The following SMG1 variants were observed in gnomAD, a reference collection of about 807,000 sequenced individuals.
The protein encoded by SMG1 is serine/threonine-protein kinase SMG1.
A neutral mutation model predicts 419.9 loss-of-function variants in SMG1; 22 were observed. The ratio of observed to expected loss-of-function variants is 0.05; its 90% CI spans 0.04 to 0.07. SMG1 has a LOEUF of 0.07. Among genes scored for constraint, SMG1 ranks in the 10% least tolerant of loss-of-function variants. SMG1 has a pLI of 1.00. For missense variants in SMG1, 3,185 were observed against 4,342.0 expected, an observed-to-expected ratio of 0.73 and a Z score of 7.49; for synonymous variants, 1,538 against 1,553.5, an observed-to-expected ratio of 0.99 and a Z score of 0.23.
intron 1 of SMG1, chr16:18,911,764 C>A (rs982158890): frequency 2.0e-5 from 3 of 152,014 alleles, no homozygotes; most frequent in African/African-American, 7.2e-5. Context: ...AGATAAATAT[C>A]TGTGAAGGAT....
chr16:18,865,812 GCCA>G (rs760113497), intron 23 of SMG1, among the ~76,000 whole-genome samples: 12 of 151,910 alleles, frequency 7.9e-5, no homozygotes, highest in Non-Finnish European at 1.3e-4. Flanking sequence ...ACACGTATGT[GCCA>G]CCACACCTCG....
chr16:18,913,481 A>T (rs2037862137), intron 1 of SMG1, among the ~76,000 whole-genome samples: 1 of 152,104 alleles, frequency 6.6e-6, no homozygotes, highest in African/African-American at 2.4e-5. Flanking sequence ...TTTAAATTCA[A>T]AGAGCTTCAG....
At chr16:18,811,724 C>T in intron 62 of SMG1, 37 bp downstream of exon 62, 2 of 1,538,936 alleles carry the variant, frequency 1.3e-6, no homozygotes, top group Non-Finnish European at 9.0e-7. Context: ...TTTCCAGCAG[C>T]ATTAAAATGT....
intron 39 of SMG1, among the ~76,000 whole-genome samples, chr16:18,843,804 T>C (rs1418574322): frequency 2.0e-5 from 3 of 152,186 alleles, no homozygotes; most frequent in Admixed American, 1.3e-4. Context: ...TTAAAGTAGA[T>C]AGTGATTAAT....
At chr16:18,903,430 G>A (rs1199458462) in intron 1 of SMG1, among the ~76,000 whole-genome samples, 10 of 152,206 alleles carry the variant, frequency 6.6e-5, no homozygotes, top group Admixed American at 2.6e-4. Context: ...CCCTCACCGG[G>A]TTTCTTTCCT....
intron 1 of SMG1, among the ~76,000 whole-genome samples, chr16:18,900,827 C>A (rs2037316293): frequency 6.6e-6 from 1 of 152,192 alleles, no homozygotes; most frequent in African/African-American, 2.4e-5. Context: ...GTTAATACCA[C>A]TTGAAAATGA....
At chr16:18,869,060 T>C (rs1253810119) in intron 20 of SMG1, 44 bp downstream of exon 20, 2 of 1,488,684 alleles carry the variant, frequency 1.3e-6, no homozygotes, top group Admixed American at 3.4e-5. Flanking sequence ...TATTTCTTAA[T>C]AAGGCTTTGA....
At position 18,835,182 on chromosome 16, in the gene SMG1, A is replaced by G. The variant is rs988242190; in HGVS notation, c.8058-18T>C. On this transcript the variant is annotated intron_variant, in intron 48 of 62. Transcript: ENST00000446231. ...TTTCATATCTATAAAAATAAGGAAG[A>G]GGTGCTTGTTTATAACACAACCACC... The G allele has an allele frequency of 3.8e-6, 6 of 1,595,582 alleles. No individual in the cohort carries two copies. Among genetic ancestry groups the G allele is most frequent in the Non-Finnish European group, 4.3e-6 (5 of 1,166,660 alleles).
In SMG1 at chr16:18,893,974, T is replaced by G. The variant is rs557855445; in HGVS notation, c.413-1620A>C. ...CGGGAGGCTGAGGCAGGAGAATCATTTTAATCTGGGAGGTGGAGGCTGCAG... is the reference window on the plus strand; with the variant it reads ...CGGGAGGCTGAGGCAGGAGAATCATGTTAATCTGGGAGGTGGAGGCTGCAG... On this transcript the variant is annotated intron_variant, in intron 3 of 62. Transcript: ENST00000446231. Among the ~76,000 whole-genome samples, 31 of 151,840 alleles carry G rather than the reference T, an allele frequency of 2.0e-4. No individual in the cohort carries two copies. In the East Asian group the frequency reaches 4.5e-3, roughly 22 times the overall value.
intron 15 of SMG1, 47 bp downstream of exon 15, chr16:18,872,137 C>T: frequency 8.7e-7 from 1 of 1,145,992 alleles, no homozygotes; most frequent in Admixed American, 3.0e-5. Flanking sequence ...ATTATAAAGG[C>T]AAATTAACAA....
At chr16:18,845,284 C>T (rs1003433054) in intron 39 of SMG1, 145 bp downstream of exon 39, 3 of 648,560 alleles carry the variant, frequency 4.6e-6, no homozygotes, top group Non-Finnish European at 7.6e-6. Context: ...TTTCTATGTT[C>T]CTTATAAGCA....
intron 23 of SMG1, among the ~76,000 whole-genome samples, chr16:18,865,152 A>G (rs892233674): frequency 3.3e-5 from 5 of 152,256 alleles, no homozygotes; most frequent in African/African-American, 1.2e-4. Context: ...TATTTCATAA[A>G]ATTTCACAGA....
At chr16:18,843,700 G>A (rs1029860462) in intron 39 of SMG1, among the ~76,000 whole-genome samples, 39 of 152,028 alleles carry the variant, frequency 2.6e-4, no homozygotes, top group African/African-American at 9.2e-4. Context: ...AGAAGTAGAC[G>A]TACACACAAT....
intron 59 of SMG1, 62 bp downstream of exon 59, chr16:18,815,378 A>G: frequency 6.3e-7 from 1 of 1,581,772 alleles, no homozygotes; most frequent in South Asian, 1.1e-5. Context: ...CAAGAGATAA[A>G]CTTCTTATAC....
intron 1 of SMG1, among the ~76,000 whole-genome samples, chr16:18,924,356 A>G (rs1331610450): frequency 6.6e-6 from 1 of 152,202 alleles, no homozygotes; most frequent in Non-Finnish European, 1.5e-5. Context: ...ACTACCAACT[A>G]CAATTTACAC....
At position 18,806,766 on chromosome 16, in the gene SMG1, G is replaced by C. The variant is rs2030875319; in HGVS notation, c.*2803C>G. 1 of 152,212 alleles carries C rather than the reference G, an allele frequency of 6.6e-6. No homozygotes were observed. Among genetic ancestry groups the C allele is most frequent in the Admixed American group, 6.6e-5 (1 of 15,264 alleles). 9.4% of individuals were successfully genotyped at this position (152,212 alleles called of 1,614,324 possible). On this transcript the variant is annotated 3_prime_UTR_variant, in exon 63 of 63. Transcript: ENST00000446231. The stretch of plus-strand genomic sequence containing the variant: ...ACAGAGGAATGGAGGGAAAGGGGGA[G>C]GCAAGAGAGAGAAACAGGAGAGGAT...
intron 1 of SMG1, among the ~76,000 whole-genome samples, chr16:18,907,427 C>T (rs2037607691): frequency 1.3e-5 from 2 of 152,114 alleles, no homozygotes; most frequent in Admixed American, 1.3e-4. Flanking sequence ...GTTATTACAG[C>T]TCACTGCAGC....
intron 13 of SMG1, 79 bp from the exon 14 acceptor site, chr16:18,872,703 G>C: frequency 8.3e-7 from 1 of 1,199,772 alleles, no homozygotes; most frequent in Non-Finnish European, 1.2e-6. Flanking sequence ...CTTCAAAATA[G>C]GGGTATCTGG....
chr16:18,832,333 T>C (rs1413741797), intron 51 of SMG1, among the ~76,000 whole-genome samples: 1 of 152,156 alleles, frequency 6.6e-6, no homozygotes, highest in Non-Finnish European at 1.5e-5. Context: ...TCAGATTGCT[T>C]TTCTGGACTA....
Sources: gnomAD v4.1 joint callset for allele counts (sites outside exome capture counted in the v4.1 genomes callset) on GRCh38, gnomAD v4.1.1 for gene constraint, MANE v1.5 for transcripts, NCBI Gene and HGNC (gene_info 2026-07-23, HGNC 2026-07-21) for gene names.